Variants in CREB5 observed in about 807,000 individuals in gnomAD.
The protein encoded by CREB5 is cyclic AMP-responsive element-binding protein 5.
A neutral mutation model predicts 57.1 loss-of-function variants in CREB5; 19 were observed. That is an observed-to-expected ratio of 0.33 (90% confidence interval 0.23 to 0.49). CREB5 has a LOEUF of 0.49. CREB5 is among the 20% of genes least tolerant of loss of function. CREB5 has a pLI of 0.99. For missense variants in CREB5, 579 were observed against 671.6 expected, an observed-to-expected ratio of 0.86 and a Z score of 1.52; for synonymous variants, 238 against 238.3, an observed-to-expected ratio of 1.00 and a Z score of 0.01.
chr7:28,536,759 T>C (rs1363973825), intron 4 of CREB5, among the ~76,000 whole-genome samples: 1 of 152,216 alleles, frequency 6.6e-6, no homozygotes. Context: ...GTATTGTCTA[T>C]AGTCACAATC....
At chr7:28,419,604 A>C (rs571628973) in intron 1 of CREB5, among the ~76,000 whole-genome samples, 1 of 152,250 alleles carries the variant, frequency 6.6e-6, no homozygotes, top group African/African-American at 2.4e-5. Context: ...TTATATGAAA[A>C]TAAATATGTA....
At chr7:28,434,081 A>G (rs1788840998) in intron 1 of CREB5, among the ~76,000 whole-genome samples, 1 of 151,984 alleles carries the variant, frequency 6.6e-6, no homozygotes, top group Admixed American at 6.6e-5. Flanking sequence ...CCATTTAACT[A>G]ATGACCTTCC....
chr7:28,435,381 A>ATTTTTTTTTTTTTTTTTTTTTTTTTTTT (rs34815040), intron 1 of CREB5, among the ~76,000 whole-genome samples: 1 of 103,516 alleles, frequency 9.7e-6, no homozygotes, highest in African/African-American at 3.7e-5. Flanking sequence ...TTTCCCTTCC[A>ATTTTTTTTTTTTTTTTTTTTTTTTTTTT]TTTTTTTTTT....
intron 7 of CREB5, among the ~76,000 whole-genome samples, chr7:28,772,736 A>C (rs559661724): frequency 5.3e-5 from 8 of 152,338 alleles, no homozygotes; most frequent in African/African-American, 1.9e-4. Context: ...ACTAACTGCT[A>C]TCTGGAGAGA....
At chr7:28,776,098 G>A (rs1315421640) in intron 7 of CREB5, among the ~76,000 whole-genome samples, 3 of 152,166 alleles carry the variant, frequency 2.0e-5, no homozygotes, top group East Asian at 3.9e-4. Context: ...AGCGCTTTGG[G>A]AGGCCGAGGC....
intron 4 of CREB5, among the ~76,000 whole-genome samples, chr7:28,565,737 A>G (rs1795446884): frequency 6.6e-6 from 1 of 152,140 alleles, no homozygotes; most frequent in African/African-American, 2.4e-5. Context: ...CTTGGCCAAC[A>G]TAGTGAAACC....
chr7:28,332,211 G>T (rs757350156), intron 1 of CREB5, among the ~76,000 whole-genome samples: 3 of 152,174 alleles, frequency 2.0e-5, no homozygotes, highest in Non-Finnish European at 4.4e-5. Context: ...AACTGGAAGC[G>T]ATTCTCCCGA....
intron 5 of CREB5, among the ~76,000 whole-genome samples, chr7:28,599,313 T>G (rs1796816160): frequency 6.6e-6 from 1 of 152,214 alleles, no homozygotes; most frequent in South Asian, 2.1e-4. Context: ...AGATTTTATT[T>G]GGGATTTTCT....
chr7:28,629,209 G>A (rs67237506), intron 5 of CREB5, among the ~76,000 whole-genome samples: 32,141 of 152,172 alleles, frequency 0.21, 3,912 homozygotes, highest in East Asian at 0.38. Flanking sequence ...CTCAACAAAG[G>A]TTAGATTGCT....
intron 1 of CREB5, among the ~76,000 whole-genome samples, chr7:28,442,586 TC>T (rs1789239565): frequency 6.6e-6 from 1 of 152,198 alleles, no homozygotes; most frequent in Non-Finnish European, 1.5e-5. Flanking sequence ...GTATAAGAGT[TC>T]CCTTTTCCCG....
At position 28,495,625 on chromosome 7, in the gene CREB5, G is replaced by A. The variant is rs1020544833; in HGVS notation, c.169+626G>A. Among the ~76,000 whole-genome samples, 4 of 152,092 alleles carry A rather than the reference G, an allele frequency of 2.6e-5. No individual in the cohort carries two copies. The South Asian group carries it at 6.2e-4, about 24-fold the overall frequency. ...CTATGCACGCTGCACTGTTCTGTGA[G>A]CCATGGGAAATGCAAAGATTTATAT... On this transcript the variant is annotated intron_variant, in intron 3 of 10. Transcript: ENST00000357727.
intron 7 of CREB5, among the ~76,000 whole-genome samples, chr7:28,749,113 C>T (rs1261694029): frequency 6.6e-6 from 1 of 152,218 alleles, no homozygotes; most frequent in African/African-American, 2.4e-5. Context: ...GCTCCAACCC[C>T]TTATTCTCTG....
At chr7:28,319,287 T>C (rs924738877) in intron 1 of CREB5, among the ~76,000 whole-genome samples, 26 of 152,304 alleles carry the variant, frequency 1.7e-4, no homozygotes, top group Non-Finnish European at 1.5e-4. Context: ...GGCTTGTTTC[T>C]CTTATAGAGT....
chr7:28,551,891 C>CTTTCTTTCTCTTTTCT (rs1268825286), intron 4 of CREB5, among the ~76,000 whole-genome samples: 1 of 136,170 alleles, frequency 7.3e-6, no homozygotes, highest in Non-Finnish European at 1.6e-5. Context: ...TCTTTTCTTT[C>CTTTCTTTCTCTTTTCT]TTTCTTTCTC....
intron 4 of CREB5, among the ~76,000 whole-genome samples, chr7:28,558,736 A>G (rs960055366): frequency 2.0e-5 from 3 of 152,178 alleles, no homozygotes; most frequent in African/African-American, 7.2e-5. Flanking sequence ...TCTGTAATAT[A>G]TCATTAGCAG....
intron 4 of CREB5, among the ~76,000 whole-genome samples, chr7:28,564,792 C>A (rs780482779): frequency 5.3e-5 from 8 of 152,136 alleles, no homozygotes; most frequent in Non-Finnish European, 1.0e-4. Flanking sequence ...TGGGGTTTGG[C>A]AGAAAGCTAT....
intron 5 of CREB5, among the ~76,000 whole-genome samples, chr7:28,706,886 A>G (rs1179640818): frequency 3.3e-5 from 5 of 152,146 alleles, no homozygotes; most frequent in African/African-American, 1.2e-4. Flanking sequence ...ACTGTCATGG[A>G]TGTGACATAG....
intron 5 of CREB5, among the ~76,000 whole-genome samples, chr7:28,708,478 G>A (rs1301330077): frequency 6.6e-6 from 1 of 152,178 alleles, no homozygotes; most frequent in Non-Finnish European, 1.5e-5. Flanking sequence ...AACTGCCGAA[G>A]AGACCCTGCC....
At chr7:28,423,348 C>T (rs562099859) in intron 1 of CREB5, among the ~76,000 whole-genome samples, 3 of 152,220 alleles carry the variant, frequency 2.0e-5, no homozygotes, top group African/African-American at 7.2e-5. Flanking sequence ...AGACACAGTC[C>T]CACTCCTCAT....
Sources: allele counts gnomAD v4.1 joint callset (sites outside exome capture counted in the v4.1 genomes callset), GRCh38; gene constraint gnomAD v4.1.1; transcripts MANE v1.5; gene names NCBI Gene and HGNC (gene_info 2026-07-23, HGNC 2026-07-21).